CCDC102A: variants seen among roughly 807,000 people sequenced by gnomAD.
CCDC102A encodes coiled-coil domain-containing protein 102A.
A neutral mutation model predicts 55.5 loss-of-function variants in CCDC102A; 40 were observed. The ratio of observed to expected loss-of-function variants is 0.72; its 90% CI spans 0.56 to 0.94. The LOEUF is 0.94. CCDC102A is among the 40% of genes least tolerant of loss of function. CCDC102A has a pLI of 0.00. For synonymous variants in CCDC102A, 323 were observed against 339.0 expected (o/e 0.95, Z 0.52); for missense variants, 779 against 768.6 (o/e 1.01, Z -0.16).
chr16:57,525,894 G>T lies in CCDC102A; in HGVS notation c.812+7C>A, dbSNP rs1237136160. 2 of 1,611,656 alleles carry T rather than the reference G, an allele frequency of 1.2e-6. No individual in the cohort carries two copies. The highest frequency in any genetic ancestry group is 1.3e-5 in the African/African-American group (1 of 74,886). ...GGCCCTGCCCCCTCCCGCCTCCCAC[G>T]ACTCACTCTCGCTCCTTGAGCAGCA... On this transcript the variant is annotated splice_region_variant and intron_variant, in intron 3 of 8. Transcript: ENST00000258214.
At position 57,512,425 on chromosome 16, in the gene CCDC102A, G is replaced by C. The variant is rs1416018682; in HGVS notation, c.*316C>G. On this transcript the variant is annotated 3_prime_UTR_variant, in exon 9 of 9. Transcript: ENST00000258214. ...GCCCCCAACATGCCCAGCCCTGCAT[G>C]AAGTCCTGGGTGGGTGAGGTCATCT... 1 of 401,962 alleles carries C rather than the reference G, an allele frequency of 2.5e-6. No homozygotes were observed. Among genetic ancestry groups the C allele is most frequent in the Non-Finnish European group, 4.4e-6 (1 of 228,314 alleles). The allele number at this position is 401,962 out of a possible 1,614,324, so 24.9% of individuals were successfully genotyped here.
intron 8 of CCDC102A, 44 bp from the exon 9 acceptor site, chr16:57,512,914 A>T: frequency 6.3e-7 from 1 of 1,576,834 alleles, no homozygotes; most frequent in South Asian, 1.1e-5. Context: ...CCTGGCTGGT[A>T]GTCCCCCGAT....
At chr16:57,514,491 T>A (rs1451006010) in intron 8 of CCDC102A, among the ~76,000 whole-genome samples, 1 of 152,196 alleles carries the variant, frequency 6.6e-6, no homozygotes, top group East Asian at 1.9e-4. Context: ...TGAGCTACCA[T>A]GCCTCCAGGT....
At chr16:57,534,758 G>A (rs2032339917) in intron 1 of CCDC102A, among the ~76,000 whole-genome samples, 1 of 152,222 alleles carries the variant, frequency 6.6e-6, no homozygotes, top group African/African-American at 2.4e-5. Flanking sequence ...TCAGGAGTCA[G>A]TCGGTGGCCA....
intron 1 of CCDC102A, among the ~76,000 whole-genome samples, chr16:57,535,152 C>T (rs2032347305): frequency 6.6e-6 from 1 of 152,222 alleles, no homozygotes. Context: ...TGAATAAGTG[C>T]AGGGCCCAAG....
chr16:57,526,063 G>T lies in CCDC102A; in HGVS notation c.650C>A (p.Ala217Glu). 6.3e-7 allele frequency: 1 copy of T among 1,589,614 alleles called. No individual in the cohort carries two copies. Residue 217 changes from alanine to glutamate, a missense_variant, in exon 3 of 9, where the codon GCG (alanine) becomes GAG (glutamate). Ala to Glu is a moderately radical substitution (Grantham distance 107). Transcript: ENST00000258214. ...MPEESEDCWE[A>E]RSLGAGGPRG... ...CGGGCCCCCAGCCCCCAGGCTGCGC[G>T]CCTCCCAGCAGTCCTCAGACTCCTC...
In CCDC102A at chr16:57,528,585, C is replaced by G. The variant is rs1274713054; in HGVS notation, c.585+8G>C. ...CTGGAGCGCGAACGCCCCGCCCGCG[C>G]CGCGCACCTGGCTGCCTGGCGGCCT... On this transcript the variant is annotated splice_region_variant and intron_variant, in intron 2 of 8. Coordinates refer to ENST00000258214, the MANE Select transcript of CCDC102A (RefSeq NM_033212.4). 5.6e-6 allele frequency: 7 copies of G among 1,248,756 alleles called. No homozygotes were observed. Among genetic ancestry groups the G allele is most frequent in the Non-Finnish European group, 7.1e-6 (7 of 989,096 alleles). The allele number at this position is 1,248,756 out of a possible 1,614,324, so 77.4% of individuals were successfully genotyped here. A position where few individuals can be genotyped will look rare whatever the true frequency, so the allele number is the denominator to read the frequency against.
intron 8 of CCDC102A, among the ~76,000 whole-genome samples, chr16:57,513,592 G>A (rs996944511): frequency 3.9e-5 from 6 of 152,234 alleles, no homozygotes; most frequent in Admixed American, 6.5e-5. Flanking sequence ...CACCCTCCCC[G>A]ATGGAAGCAC....
intron 1 of CCDC102A, among the ~76,000 whole-genome samples, chr16:57,533,965 C>T (rs911720513): frequency 2.6e-5 from 4 of 152,202 alleles, no homozygotes; most frequent in Admixed American, 1.3e-4. Flanking sequence ...ACGGTGGGAC[C>T]GGCCACCACA....
At chr16:57,523,942 T>G (rs1185745471) in intron 3 of CCDC102A, among the ~76,000 whole-genome samples, 2 of 152,080 alleles carry the variant, frequency 1.3e-5, no homozygotes, top group African/African-American at 4.8e-5. Context: ...TGGAAGGTGA[T>G]GCTGAGCTCA....
intron 2 of CCDC102A, among the ~76,000 whole-genome samples, chr16:57,526,364 T>G (rs569488455): frequency 6.6e-6 from 1 of 152,272 alleles, no homozygotes; most frequent in East Asian, 1.9e-4. Flanking sequence ...CCTAGAAGAT[T>G]CCCCAGGAGA....
chr16:57,534,041 T>C (rs1312787139), intron 1 of CCDC102A, among the ~76,000 whole-genome samples: 1 of 152,216 alleles, frequency 6.6e-6, no homozygotes, highest in Non-Finnish European at 1.5e-5. Context: ...GACAGGTCTA[T>C]TACTGCTTTA....
chr16:57,520,554 A>G (rs2032027039), intron 4 of CCDC102A, among the ~76,000 whole-genome samples: 1 of 130,244 alleles, frequency 7.7e-6, no homozygotes, highest in Non-Finnish European at 1.6e-5. Context: ...AACATAACAT[A>G]ACATAACATA....
Position 57,516,248 on chromosome 16 carries a change from C to G in CCDC102A, c.1419+45G>C. On this transcript the variant is annotated intron_variant, in intron 7 of 8. Transcript: ENST00000258214. This position sits in a 1 kb window ranked among gnomAD's most constrained non-coding sequence, Gnocchi z 4.4. The stretch of plus-strand genomic sequence containing the variant: ...GATGGCCCTGCGGCCCCCACTCCTC[C>G]CTGGCCAAGGTCTGTTGCTGCCCCT... 6.3e-7 allele frequency: 1 copy of G among 1,584,028 alleles called. No homozygotes were observed. The highest frequency in any genetic ancestry group is 8.6e-7 in the Non-Finnish European group (1 of 1,167,886).
rs1399751850 is a variant in CCDC102A, at chr16:57,518,756, C to T, written c.922-15G>A. On this transcript the variant is annotated splice_polypyrimidine_tract_variant and intron_variant, in intron 4 of 8. Transcript: ENST00000258214. Reference sequence around the variant, plus strand: ...AGGATGCTGAGCTGCAGGGATAAGGCCCCACCTGGTCATGAGAACCACCAG... The same window carrying T: ...AGGATGCTGAGCTGCAGGGATAAGGTCCCACCTGGTCATGAGAACCACCAG... The T allele has an allele frequency of 1.3e-6, 2 of 1,580,172 alleles. No individual in the cohort carries two copies. The highest frequency in any genetic ancestry group is 1.8e-5 in the Admixed American group (1 of 56,548).
At chr16:57,518,517 G>T (rs1049322070) in intron 5 of CCDC102A, 108 bp downstream of exon 5, 27 of 962,252 alleles carry the variant, frequency 2.8e-5, no homozygotes, top group Non-Finnish European at 4.2e-5. Flanking sequence ...GGCTGGCCCC[G>T]CTCAGAGCAC....
In CCDC102A at chr16:57,516,687, C is replaced by T; in HGVS notation, c.1249-224G>A. 4 of 585,826 alleles carry T rather than the reference C, an allele frequency of 6.8e-6. No individual in the cohort carries two copies. Among genetic ancestry groups the T allele is most frequent in the Non-Finnish European group, 9.1e-6 (3 of 327,906 alleles). 36.3% of individuals were successfully genotyped at this position (585,826 alleles called of 1,614,324 possible). A position where few individuals can be genotyped will look rare whatever the true frequency, so the allele number is the denominator to read the frequency against. Reference sequence around the variant, plus strand: ...GGTGAGAAGGCTGGGTGGGTGGAACCTGTGGCTCCGGTTTGGATGTGTAAC... The same window carrying T: ...GGTGAGAAGGCTGGGTGGGTGGAACTTGTGGCTCCGGTTTGGATGTGTAAC... On this transcript the variant is annotated intron_variant, in intron 6 of 8. Coordinates refer to ENST00000258214, the MANE Select transcript of CCDC102A (RefSeq NM_033212.4). This position sits in a 1 kb window ranked among gnomAD's most constrained non-coding sequence, Gnocchi z 4.4.
At chr16:57,521,688 A>G (rs1441974103) in intron 3 of CCDC102A, among the ~76,000 whole-genome samples, 2 of 152,200 alleles carry the variant, frequency 1.3e-5, no homozygotes, top group African/African-American at 4.8e-5. Flanking sequence ...CTCTCTTGCC[A>G]TCGACACTGT....
At chr16:57,525,031 T>C (rs1463577479) in intron 3 of CCDC102A, among the ~76,000 whole-genome samples, 1 of 152,200 alleles carries the variant, frequency 6.6e-6, no homozygotes, top group Non-Finnish European at 1.5e-5. Context: ...CTCTGACCAG[T>C]TCCCTATCCA....
Sources: allele counts gnomAD v4.1 joint callset (sites outside exome capture counted in the v4.1 genomes callset), GRCh38; gene constraint gnomAD v4.1.1; non-coding constraint Gnocchi (gnomAD v3.1); transcripts MANE v1.5; gene names NCBI Gene and HGNC (gene_info 2026-07-23, HGNC 2026-07-21).